CRB1: variants seen among roughly 807,000 people sequenced by gnomAD.
The protein encoded by CRB1 is crumbs cell polarity complex component 1, also known as protein crumbs homolog 1.
Under a neutral mutation model 120.0 loss-of-function variants are expected in CRB1, and 83 were observed. The observed-to-expected ratio is 0.69, with a 90% confidence interval of 0.58 to 0.83. CRB1 has a LOEUF of 0.83. CRB1 is among the 40% of genes least tolerant of loss of function. The probability of loss-of-function intolerance (pLI) is 0.00; values close to 1 mark genes in which losing one functional copy is unlikely to be tolerated. For synonymous variants in CRB1, 625 were observed against 612.5 expected (o/e 1.02, Z -0.30); for missense variants, 1,699 against 1,687.6 (o/e 1.01, Z -0.12).
intron 1 of CRB1, among the ~76,000 whole-genome samples, chr1:197,295,121 A>C (rs1242965794): frequency 6.6e-6 from 1 of 152,000 alleles, no homozygotes; most frequent in Non-Finnish European, 1.5e-5. Context: ...TTTTTCATAA[A>C]TGATATGTAA....
intron 5 of CRB1, among the ~76,000 whole-genome samples, chr1:197,405,148 G>T (rs1232763587): frequency 6.6e-6 from 1 of 151,964 alleles, no homozygotes; most frequent in African/African-American, 2.4e-5. Flanking sequence ...CTGTACTGCT[G>T]CCATCTCGGC....
Position 197,421,266 on chromosome 1 carries a change from T to C in CRB1, c.1438T>C (p.Cys480Arg), listed in dbSNP as rs62636264. 8.1e-6 allele frequency: 13 copies of C among 1,614,058 alleles called. No individual in the cohort carries two copies. The Admixed American group carries it at 1.8e-4, about 23-fold the overall frequency. ...LCPSGYTGSL[C>R]EIATTLSFEG... is the part of the protein sequence containing the mutation. ...TCCATCTGGCTACACCGGGTCCCTG[T>C]GTGAAATCGCAACCACACTTTCATT... The change falls in exon 6 of 12, where the codon TGT becomes CGT. Residue 480 changes from cysteine (C) to arginine (R), a missense_variant. Coordinates refer to ENST00000367400, the MANE Select transcript of CRB1 (RefSeq NM_201253.3).
chr1:197,349,308 T>C (rs1659954731), intron 4 of CRB1, among the ~76,000 whole-genome samples: 1 of 152,222 alleles, frequency 6.6e-6, no homozygotes, highest in Admixed American at 6.5e-5. Flanking sequence ...TTTCACACCA[T>C]GATGAAATTG....
the CRB1 span, among the ~76,000 whole-genome samples, chr1:197,214,642 C>G: frequency 6.6e-6 from 1 of 151,706 alleles, no homozygotes; most frequent in African/African-American, 2.4e-5. Context: ...AAAACAAAGT[C>G]TGATCTGAAC....
chr1:197,356,181 C>T (rs561876693), intron 4 of CRB1, among the ~76,000 whole-genome samples: 2 of 152,298 alleles, frequency 1.3e-5, no homozygotes, highest in East Asian at 3.9e-4. Flanking sequence ...TATGTTAAAA[C>T]AGTCACATAC....
upstream of CRB1, among the ~76,000 whole-genome samples, chr1:197,266,275 T>A (rs1354809158): frequency 6.6e-6 from 1 of 152,128 alleles, no homozygotes; most frequent in Non-Finnish European, 1.5e-5. Flanking sequence ...AACATCAAGG[T>A]ACCAGCAAAT....
At chr1:197,253,416 T>C in the CRB1 span, among the ~76,000 whole-genome samples, 1 of 152,166 alleles carries the variant, frequency 6.6e-6, no homozygotes, top group African/African-American at 2.4e-5. Context: ...TTTGAACATT[T>C]TTTAACACAG....
chr1:197,249,378 T>C, the CRB1 span, among the ~76,000 whole-genome samples: 40 of 152,048 alleles, frequency 2.6e-4, 1 homozygote, highest in East Asian at 1.4e-3. Flanking sequence ...TTAGGAAAAG[T>C]TGATATAAAC....
intron 11 of CRB1, among the ~76,000 whole-genome samples, chr1:197,473,780 T>C (rs1355832736): frequency 6.6e-6 from 1 of 151,730 alleles, no homozygotes; most frequent in Non-Finnish European, 1.5e-5. Context: ...AGTTCATGTG[T>C]CCCAGCAGTT....
Position 197,434,810 on chromosome 1 carries a change from A to T in CRB1, c.2947A>T (p.Arg983Trp). The change falls in exon 9 of 12, where the codon AGG becomes TGG. Residue 983 changes from arginine (R) to tryptophan (W), a missense_variant. Arg to Trp is a moderately radical substitution (Grantham distance 101, BLOSUM62 -3). Transcript: ENST00000367400. The stretch of plus-strand genomic sequence containing the variant: ...CAATATCACATTTGGTTTCAGAACA[A>T]GGGATGCAAATGTAATAATATTGCA... ...LTNITFGFRT[R>W]DANVIILHAE... 2 of 1,613,778 alleles carry T rather than the reference A, an allele frequency of 1.2e-6. No homozygotes were observed. The highest frequency in any genetic ancestry group is 1.7e-6 in the Non-Finnish European group (2 of 1,179,718).
chr1:197,207,613 GGGTTA>G, the CRB1 span, among the ~76,000 whole-genome samples: 3 of 152,204 alleles, frequency 2.0e-5, no homozygotes, highest in Non-Finnish European at 2.9e-5. Flanking sequence ...TTTCCTTCAT[GGGTTA>G]CCTGATACTT....
intron 5 of CRB1, chr1:197,363,780 T>C: frequency 1.5e-6 from 1 of 672,012 alleles, no homozygotes; most frequent in Non-Finnish European, 2.8e-6. Flanking sequence ...CAACGGGTCT[T>C]TGTGGCTCTG....
At chr1:197,222,207 G>T in the CRB1 span, 1 of 468,952 alleles carries the variant, frequency 2.1e-6, no homozygotes, top group Non-Finnish European at 4.0e-6. Context: ...TGCACTGCGC[G>T]GCCGCAGCGG....
chr1:197,308,224 G>C (rs1657287607), intron 1 of CRB1, among the ~76,000 whole-genome samples: 1 of 152,168 alleles, frequency 6.6e-6, no homozygotes, highest in East Asian at 1.9e-4. Context: ...ATAAGTAGGA[G>C]CTAAACGTTA....
intron 8 of CRB1, among the ~76,000 whole-genome samples, chr1:197,429,830 A>C (rs1664791080): frequency 6.6e-6 from 1 of 152,178 alleles, no homozygotes; most frequent in Admixed American, 6.5e-5. Flanking sequence ...GCAACACTAA[A>C]CCTAGATGCT....
At chr1:197,278,829 A>C (rs1482679600) in intron 1 of CRB1, among the ~76,000 whole-genome samples, 1 of 151,966 alleles carries the variant, frequency 6.6e-6, no homozygotes, top group African/African-American at 2.4e-5. Context: ...TATATTAAGC[A>C]GTTAAAATGA....
At chr1:197,390,840 T>C (rs1357942974) in intron 5 of CRB1, among the ~76,000 whole-genome samples, 1 of 152,066 alleles carries the variant, frequency 6.6e-6, no homozygotes, top group Non-Finnish European at 1.5e-5. Context: ...GGTAGAGACA[T>C]TTCCTGTTAA....
intron 5 of CRB1, among the ~76,000 whole-genome samples, chr1:197,410,072 A>C (rs933969092): frequency 5.3e-5 from 8 of 152,240 alleles, no homozygotes; most frequent in African/African-American, 1.7e-4. Context: ...GGCGTGAGCC[A>C]CTGCGCCCGG....
At chr1:197,297,682 C>T (rs1186379224) in intron 1 of CRB1, among the ~76,000 whole-genome samples, 1 of 152,024 alleles carries the variant, frequency 6.6e-6, no homozygotes, top group Non-Finnish European at 1.5e-5. Context: ...GAGGATCACC[C>T]AGGTGAGAGT....
Sources: allele counts gnomAD v4.1 joint callset (sites outside exome capture counted in the v4.1 genomes callset), GRCh38; gene constraint gnomAD v4.1.1; transcripts MANE v1.5; gene names NCBI Gene and HGNC (gene_info 2026-07-23, HGNC 2026-07-21).